WDR41: variants seen among roughly 807,000 people sequenced by gnomAD.
The protein encoded by WDR41 is WD repeat-containing protein 41.
Under a neutral mutation model 69.3 loss-of-function variants are expected in WDR41, and 63 were observed. The observed-to-expected ratio is 0.91, with a 90% CI of 0.74 to 1.12. The LOEUF is 1.12. Among genes scored for constraint, WDR41 ranks in the 50% most tolerant of loss-of-function variants. The pLI is 0.00. For missense variants in WDR41, 543 were observed against 534.5 expected, an observed-to-expected ratio of 1.02 and a Z score of -0.16; for synonymous variants, 185 against 192.1, an observed-to-expected ratio of 0.96 and a Z score of 0.31.
intron 1 of WDR41, 150 bp downstream of exon 1, chr5:77,492,020 C>A: frequency 3.0e-6 from 3 of 1,010,396 alleles, no homozygotes; most frequent in Non-Finnish European, 4.2e-6. Flanking sequence ...TCCGCCCCCA[C>A]CGTCGTGAGA....
chr5:77,599,391 G>T (rs4235704), intron 1 of WDR41, among the ~76,000 whole-genome samples: 2 of 151,538 alleles, frequency 1.3e-5, no homozygotes, highest in African/African-American at 2.4e-5. Flanking sequence ...GTAGAGACGG[G>T]GTTTCACCAT....
intron 1 of WDR41, among the ~76,000 whole-genome samples, chr5:77,510,378 A>G (rs1367875528): frequency 6.6e-6 from 1 of 152,208 alleles, no homozygotes; most frequent in Non-Finnish European, 1.5e-5. Context: ...GAATTATGGG[A>G]GCTACAAGAT....
At chr5:77,616,425 C>T in intron 1 of WDR41, among the ~76,000 whole-genome samples, 1 of 152,170 alleles carries the variant, frequency 6.6e-6, no homozygotes, top group East Asian at 1.9e-4. Context: ...GCACATCTGA[C>T]CAGGTCCACA....
chr5:77,559,235 A>G (rs571045893), intron 1 of WDR41, among the ~76,000 whole-genome samples: 1 of 152,334 alleles, frequency 6.6e-6, no homozygotes, highest in South Asian at 2.1e-4. Flanking sequence ...TACCAATTTG[A>G]TATCACTAAA....
At chr5:77,477,967 A>T (rs1801028471) in intron 2 of WDR41, among the ~76,000 whole-genome samples, 1 of 151,512 alleles carries the variant, frequency 6.6e-6, no homozygotes, top group Non-Finnish European at 1.5e-5. Context: ...AATCAAATAG[A>T]TGCAATAAAA....
At chr5:77,613,468 C>T (rs1371767701) in intron 1 of WDR41, among the ~76,000 whole-genome samples, 1 of 151,886 alleles carries the variant, frequency 6.6e-6, no homozygotes, top group African/African-American at 2.4e-5. Context: ...TGGAACAGAA[C>T]AGAGCCCTCA....
intron 1 of WDR41, among the ~76,000 whole-genome samples, chr5:77,596,429 T>C (rs1744229205): frequency 6.6e-6 from 1 of 152,206 alleles, no homozygotes; most frequent in Non-Finnish European, 1.5e-5. Flanking sequence ...CACGCCTGGC[T>C]GAATTCTTTT....
At chr5:77,473,421 T>A (rs1481051465) in intron 2 of WDR41, among the ~76,000 whole-genome samples, 2 of 152,056 alleles carry the variant, frequency 1.3e-5, no homozygotes, top group Non-Finnish European at 2.9e-5. Flanking sequence ...AAGCAATGGC[T>A]ACAAAAGCCA....
intron 1 of WDR41, among the ~76,000 whole-genome samples, chr5:77,614,748 T>C (rs926242536): frequency 6.6e-6 from 1 of 150,788 alleles, no homozygotes; most frequent in Non-Finnish European, 1.5e-5. Flanking sequence ...TGTATACATA[T>C]GTAACTAACC....
intron 1 of WDR41, among the ~76,000 whole-genome samples, chr5:77,529,625 T>C (rs1349941473): frequency 6.6e-6 from 1 of 151,542 alleles, no homozygotes; most frequent in Non-Finnish European, 1.5e-5. Context: ...AAATTTATTA[T>C]AAACCTACAG....
chr5:77,560,794 T>C (rs1743508583), intron 1 of WDR41, among the ~76,000 whole-genome samples: 1 of 152,196 alleles, frequency 6.6e-6, no homozygotes, highest in African/African-American at 2.4e-5. Context: ...ACTTTGAATC[T>C]TCCTTGTCTA....
chr5:77,541,960 T>C lies in WDR41; in HGVS notation c.43-52388A>G, dbSNP rs558114518. ...AATATAAATTATTCTATTATAAAGATACATGGACACGTATGTTCATTGCAG... is the reference window on the plus strand; with the variant it reads ...AATATAAATTATTCTATTATAAAGACACATGGACACGTATGTTCATTGCAG... On this transcript the variant is annotated intron_variant, in intron 1 of 5. Transcript: ENST00000509971. Among the ~76,000 whole-genome samples, 24 of 152,228 alleles carry C rather than the reference T, an allele frequency of 1.6e-4. No individual in the cohort carries two copies. In the South Asian group the frequency reaches 5.0e-3, roughly 32 times the overall value.
At chr5:77,501,398 G>A (rs570272413) in intron 1 of WDR41, among the ~76,000 whole-genome samples, 196 of 152,356 alleles carry the variant, frequency 1.3e-3, no homozygotes, top group African/African-American at 4.4e-3. Context: ...AGAGCCCGCC[G>A]CAGCTCAGCA....
At chr5:77,438,436 T>A in intron 9 of WDR41, 75 bp from the exon 10 acceptor site, 6 of 1,567,318 alleles carry the variant, frequency 3.8e-6, no homozygotes, top group Non-Finnish European at 4.3e-6. Flanking sequence ...CCAGCCCTCA[T>A]GTGACATCAG....
intron 1 of WDR41, among the ~76,000 whole-genome samples, chr5:77,535,736 C>T (rs936507628): frequency 3.3e-5 from 5 of 152,140 alleles, no homozygotes; most frequent in African/African-American, 1.2e-4. Flanking sequence ...TATTAATAAA[C>T]AGCTGCCAGA....
At chr5:77,454,623 A>T (rs915952718) in intron 5 of WDR41, among the ~76,000 whole-genome samples, 2 of 152,228 alleles carry the variant, frequency 1.3e-5, no homozygotes, top group African/African-American at 4.8e-5. Context: ...CAAGTACCAT[A>T]TAAGCCCTTT....
intron 2 of WDR41, among the ~76,000 whole-genome samples, chr5:77,482,064 G>C (rs977542240): frequency 6.6e-6 from 1 of 151,908 alleles, no homozygotes; most frequent in Admixed American, 6.6e-5. Context: ...TTTTCATTAC[G>C]GAGAATTTAA....
intron 1 of WDR41, among the ~76,000 whole-genome samples, chr5:77,536,045 A>G (rs75340590): frequency 0.017 from 2,629 of 152,278 alleles, 71 homozygotes; most frequent in African/African-American, 0.06. Flanking sequence ...TGATTGGTCT[A>G]ATCAGTTTCC....
chr5:77,616,396 C>T (rs1336062711), intron 1 of WDR41, among the ~76,000 whole-genome samples: 1 of 152,174 alleles, frequency 6.6e-6, no homozygotes, highest in African/African-American at 2.4e-5. Flanking sequence ...CCATGATCTG[C>T]ATTATAATTA....
Sources: gnomAD v4.1 joint callset for allele counts (sites outside exome capture counted in the v4.1 genomes callset) on GRCh38, gnomAD v4.1.1 for gene constraint, MANE v1.5 for transcripts, NCBI Gene and HGNC (gene_info 2026-07-23, HGNC 2026-07-21) for gene names.